Variants in LRP5 observed in about 807,000 individuals in gnomAD.
LRP5 encodes the protein LDL receptor related protein 5.
LRP5 carries 62 observed loss-of-function variants against 154.1 expected under a neutral mutation model. The observed-to-expected ratio is 0.40, with a 90% CI of 0.33 to 0.50. The LOEUF (loss-of-function observed/expected upper bound fraction) is 0.50. Among genes scored for constraint, LRP5 ranks in the 20% least tolerant of loss-of-function variants. The pLI is 0.55. For missense variants in LRP5, 1,915 were observed against 2,336.7 expected (o/e 0.82, Z 3.72); for synonymous variants, 966 against 1,011.5 (o/e 0.96, Z 0.85).
chr11:68,358,782 C>A (rs941905481), intron 3 of LRP5, among the ~76,000 whole-genome samples: 4 of 152,214 alleles, frequency 2.6e-5, no homozygotes, highest in Non-Finnish European at 4.4e-5. Context: ...TAGAAACATC[C>A]CTTCTGTGTA....
rs890281087 is a variant in LRP5, at chr11:68,353,326, G to A, written c.489-4324G>A. On this transcript the variant is annotated intron_variant, in intron 2 of 22. Transcript: ENST00000294304. The surrounding 1 kb of genome is among the most constrained non-coding windows in gnomAD (Gnocchi z 4.5). ...GCTCCAGTCATTTGAATGAGAGAGT[G>A]AAAACAGTGAGATGCCGGCTCCCAC... Among the ~76,000 whole-genome samples the A allele has an allele frequency of 6.6e-6, 1 of 152,128 alleles. No individual in the cohort carries two copies. Among genetic ancestry groups the A allele is most frequent in the Non-Finnish European group, 1.5e-5 (1 of 68,018 alleles).
At chr11:68,351,771 G>C (rs553573493) in intron 2 of LRP5, among the ~76,000 whole-genome samples, 2 of 152,290 alleles carry the variant, frequency 1.3e-5, no homozygotes, top group African/African-American at 4.8e-5. Flanking sequence ...GTGTGCGTAG[G>C]GGGATAAAGC....
chr11:68,425,248 G>T lies in LRP5; in HGVS notation c.3383G>T (p.Trp1128Leu). 1 of 1,611,570 alleles carries T rather than the reference G, an allele frequency of 6.2e-7. No homozygotes were observed. The change falls in exon 15 of 23, where the codon TGG (tryptophan) becomes TTG (leucine). Residue 1128 changes from tryptophan (W) to leucine (L), a missense_variant. By Grantham distance (61) the Trp-to-Leu change is moderately conservative (BLOSUM62 -2). Coordinates refer to ENST00000294304, the MANE Select transcript of LRP5 (RefSeq NM_002335.4). ...GACAACACACTGGGCAAGCTGTTCT[G>T]GGTGGACGCGGACCTGAAGCGCATT... ...VVDNTLGKLF[W>L]VDADLKRIES... is the part of the protein sequence containing the mutation.
At position 68,406,515 on chromosome 11, in the gene LRP5, C is replaced by G. The variant is rs200963797; in HGVS notation, c.1802-9C>G. ...ATGTTTAGACTGGAGCCTCTGTGTTCGCTTCCAGGAACCAACCCGTGTGCG... is the reference window on the plus strand; with the variant it reads ...ATGTTTAGACTGGAGCCTCTGTGTTGGCTTCCAGGAACCAACCCGTGTGCG... On this transcript the variant is annotated splice_polypyrimidine_tract_variant and intron_variant, in intron 8 of 22. Transcript: ENST00000294304. 2.3e-5 allele frequency: 37 copies of G among 1,613,860 alleles called. No individual in the cohort carries two copies. The highest frequency in any genetic ancestry group is 3.1e-5 in the Non-Finnish European group (37 of 1,179,970).
intron 5 of LRP5, among the ~76,000 whole-genome samples, chr11:68,382,742 G>A (rs1205123836): frequency 6.6e-6 from 1 of 152,184 alleles, no homozygotes; most frequent in Non-Finnish European, 1.5e-5. Context: ...AAAGTGAAGT[G>A]AGCTTTCCTC....
intron 5 of LRP5, among the ~76,000 whole-genome samples, chr11:68,378,030 T>G (rs889850085): frequency 6.6e-6 from 1 of 152,100 alleles, no homozygotes; most frequent in African/African-American, 2.4e-5. Context: ...GAGCTGCACT[T>G]GGTTCGGTGC....
At chr11:68,363,977 CG>C in intron 4 of LRP5, 34 bp downstream of exon 4, 3 of 144,720 alleles carry the variant, frequency 2.1e-5, no homozygotes, top group Non-Finnish European at 2.7e-5. Flanking sequence ...GGCGAGGGTG[CG>C]GGGGCTGGGG....
chr11:68,403,263 A>C (rs777781164), intron 7 of LRP5, among the ~76,000 whole-genome samples: 1 of 151,938 alleles, frequency 6.6e-6, no homozygotes, highest in Non-Finnish European at 1.5e-5. Context: ...AAACAAACAA[A>C]CAAACAAAAA....
At chr11:68,376,574 C>T (rs2098637470) in intron 5 of LRP5, among the ~76,000 whole-genome samples, 1 of 152,178 alleles carries the variant, frequency 6.6e-6, no homozygotes, top group South Asian at 2.1e-4. Context: ...CTGGGCCTGG[C>T]GTCCTGGCCG....
chr11:68,316,270 C>A (rs1248508310), intron 1 of LRP5, among the ~76,000 whole-genome samples: 3 of 152,074 alleles, frequency 2.0e-5, no homozygotes, highest in African/African-American at 7.2e-5. Flanking sequence ...ATGGGTGTTT[C>A]AGCCTTTTAT....
Position 68,448,888 on chromosome 11 carries a change from C to T in LRP5, c.4666C>T (p.Arg1556Cys), listed in dbSNP as rs140474222. Reference protein sequence around the residue: ...DVCDSDYSASRWKASKYYLDL... With the variant: ...DVCDSDYSASCWKASKYYLDL... ...GTGTGACAGCGACTACAGCGCCAGC[C>T]GCTGGAAGGCCAGCAAGTACTACCT... Residue 1556 changes from arginine (R) to cysteine (C), a missense_variant, in exon 23 of 23, where the codon CGC (arginine) becomes TGC (cysteine). This residue lies in a region of LRP5 where 1,094 missense variants were observed against 1,210.1 expected (regional missense o/e 0.90). Transcript: ENST00000294304. 45 of 1,613,558 alleles carry T rather than the reference C, an allele frequency of 2.8e-5. No homozygotes were observed. Among genetic ancestry groups the T allele is most frequent in the Non-Finnish European group, 3.4e-5 (40 of 1,180,020 alleles).
rs887035807 is a variant in LRP5 at position 68,414,525 on chromosome 11, A to G, written c.2827+513A>G. ...AACCCTTGCCAGGCAGCCTGGCATC[A>G]GCTCGGGGAATTTTTGCCCTGACCC... On this transcript the variant is annotated intron_variant, in intron 12 of 22. Transcript: ENST00000294304. Among the ~76,000 whole-genome samples the G allele has an allele frequency of 2.4e-4, 36 of 152,276 alleles. 1 individual carries two copies. Among genetic ancestry groups the G allele is most frequent in the Non-Finnish European group, 4.6e-4 (31 of 68,024 alleles).
chr11:68,448,755 C>T (rs1236133095), intron 22 of LRP5, 54 bp from the exon 23 acceptor site: 3 of 1,598,216 alleles, frequency 1.9e-6, no homozygotes, highest in African/African-American at 1.3e-5. Flanking sequence ...CTGCTGTGCC[C>T]ACCAGGGCGG....
rs149941304 is a variant in LRP5, at chr11:68,419,667, C to T, written c.3027+3140C>T. 4.2e-3 allele frequency among the ~76,000 whole-genome samples: 631 copies of T among 151,812 alleles called. 2 individuals carry two copies. The highest frequency in any genetic ancestry group is 6.9e-3 in the Non-Finnish European group (469 of 67,932). On this transcript the variant is annotated intron_variant, in intron 13 of 22. Coordinates refer to ENST00000294304, the MANE Select transcript of LRP5 (RefSeq NM_002335.4). ...CGACTCTCCTGCCTCAGCCTCCTCCCGAGTAGCTGGGATTACAGGTGCCCA... is the reference window on the plus strand; with the variant it reads ...CGACTCTCCTGCCTCAGCCTCCTCCTGAGTAGCTGGGATTACAGGTGCCCA...
At chr11:68,404,512 G>A (rs1479195153) in intron 8 of LRP5, 1 of 488,314 alleles carries the variant, frequency 2.0e-6, no homozygotes. Flanking sequence ...GAGGGAGCAG[G>A]TTGGGGCAGA....
intron 21 of LRP5, among the ~76,000 whole-genome samples, chr11:68,443,971 C>A (rs988907524): frequency 2.6e-5 from 4 of 152,000 alleles, no homozygotes; most frequent in Non-Finnish European, 5.9e-5. Context: ...CACTCTCTTT[C>A]TTAACGTCCT....
chr11:68,446,928 A>G (rs2098681766), intron 22 of LRP5: 4 of 345,814 alleles, frequency 1.2e-5, no homozygotes, highest in Non-Finnish European at 2.3e-5. Flanking sequence ...TCCTCTTAGG[A>G]TGGGACAAGT....
At chr11:68,436,138 T>TA (rs1457894586) in intron 18 of LRP5, among the ~76,000 whole-genome samples, 4 of 152,214 alleles carry the variant, frequency 2.6e-5, no homozygotes, top group African/African-American at 7.2e-5. Flanking sequence ...GGCAGGCCCT[T>TA]ACGCCGGTTC....
intron 1 of LRP5, among the ~76,000 whole-genome samples, chr11:68,346,950 C>T (rs2098613500): frequency 6.6e-6 from 1 of 152,164 alleles, no homozygotes; most frequent in Non-Finnish European, 1.5e-5. Context: ...TCTCATTGAG[C>T]CCGTTGTGGG....
Sources: allele counts gnomAD v4.1 joint callset (sites outside exome capture counted in the v4.1 genomes callset), GRCh38; gene constraint gnomAD v4.1.1; regional missense constraint gnomAD v4.1.1; non-coding constraint Gnocchi (gnomAD v3.1); transcripts MANE v1.5; gene names NCBI Gene and HGNC (gene_info 2026-07-23, HGNC 2026-07-21).